GON7: variants seen among roughly 807,000 people sequenced by gnomAD.
GON7 encodes the protein GON7 subunit of KEOPS complex.
A neutral mutation model predicts 7.6 loss-of-function variants in GON7; 2 were observed. The ratio of observed to expected loss-of-function variants is 0.26; its 90% CI spans 0.11 to 0.83. The LOEUF (loss-of-function observed/expected upper bound fraction) is 0.83. GON7 is among the 40% of genes least tolerant of loss of function. The pLI is 0.65. For synonymous variants in GON7, 54 were observed against 56.6 expected (o/e 0.95, Z 0.20); for missense variants, 121 against 132.2 (o/e 0.92, Z 0.42).
In GON7 at chr14:93,203,708, G is replaced by GT; in HGVS notation, c.282dup (p.Arg95ThrfsTer83). On this transcript the variant is annotated frameshift_variant, in exon 2 of 2. Transcript: ENST00000306954. LOFTEE classifies it high-confidence loss of function. Reference sequence around the variant, plus strand: ...TATTGTTAAGACGGTGTTTTTGGCCGTTTTGCAGATGGTCCATCGAAGTTA... The same window carrying GT: ...TATTGTTAAGACGGTGTTTTTGGCCGTTTTTGCAGATGGTCCATCGAAGTTA... The GT allele has an allele frequency of 6.2e-7, 1 of 1,613,968 alleles. No individual in the cohort carries two copies. The highest frequency in any genetic ancestry group is 8.5e-7 in the Non-Finnish European group (1 of 1,179,920).
At chr14:93,206,395 C>A (rs1011321188) in intron 1 of GON7, among the ~76,000 whole-genome samples, 5 of 152,118 alleles carry the variant, frequency 3.3e-5, no homozygotes, top group African/African-American at 9.7e-5. Context: ...CCTCATTCTT[C>A]CTCCAGGGCT....
intron 1 of GON7, among the ~76,000 whole-genome samples, chr14:93,205,730 T>G (rs1894327853): frequency 6.6e-6 from 1 of 152,100 alleles, no homozygotes; most frequent in South Asian, 2.1e-4. Flanking sequence ...ATAATGCAGT[T>G]AAACTTCATG....
rs1894287678 is a variant in GON7 at position 93,203,480 on chromosome 14, T to G, written c.*208A>C. The G allele has an allele frequency of 4.1e-6, 2 of 491,224 alleles. No individual in the cohort carries two copies. Among genetic ancestry groups the G allele is most frequent in the South Asian group, 8.4e-5 (2 of 23,764 alleles). 30.4% of individuals were successfully genotyped at this position (491,224 alleles called of 1,614,324 possible). On this transcript the variant is annotated 3_prime_UTR_variant, in exon 2 of 2. Coordinates refer to ENST00000306954, the MANE Select transcript of GON7 (RefSeq NM_032490.5). ...AGTGTTCTATTTTCCTTCCAGGGTC[T>G]GAAATTTATTTCTCAAGAAAACAGA...
intron 1 of GON7, among the ~76,000 whole-genome samples, chr14:93,205,430 G>C (rs1294936622): frequency 6.6e-6 from 1 of 152,186 alleles, no homozygotes; most frequent in Non-Finnish European, 1.5e-5. Flanking sequence ...AGCACTCTGG[G>C]AGGCTGAGGC....
At position 93,202,988 on chromosome 14, in the gene GON7, A is replaced by C. The variant is rs939226083; in HGVS notation, c.*700T>G. On this transcript the variant is annotated 3_prime_UTR_variant, in exon 2 of 2. Coordinates refer to ENST00000306954, the MANE Select transcript of GON7 (RefSeq NM_032490.5). Reference sequence around the variant, plus strand: ...GGAGGAGAGGAAATATCCAAATTGTAATCAATGCAGATTGTTTACTTAAGG... The same window carrying C: ...GGAGGAGAGGAAATATCCAAATTGTCATCAATGCAGATTGTTTACTTAAGG... 1.3e-5 allele frequency: 2 copies of C among 152,226 alleles called. No individual in the cohort carries two copies. The highest frequency in any genetic ancestry group is 4.8e-5 in the African/African-American group (2 of 41,462). 9.4% of individuals were successfully genotyped at this position (152,226 alleles called of 1,614,324 possible).
intron 1 of GON7, among the ~76,000 whole-genome samples, chr14:93,206,516 T>C (rs1441999581): frequency 3.3e-5 from 5 of 151,996 alleles, no homozygotes; most frequent in Non-Finnish European, 7.4e-5. Flanking sequence ...CAAATAAATA[T>C]AGTGATAAAT....
At position 93,207,018 on chromosome 14, in the gene GON7, T is replaced by G. The variant is rs1894362903; in HGVS notation, c.20A>C (p.Tyr7Ser). 1 of 1,613,422 alleles carries G rather than the reference T, an allele frequency of 6.2e-7. No homozygotes were observed. Among genetic ancestry groups the G allele is most frequent in the Non-Finnish European group, 8.5e-7 (1 of 1,179,980 alleles). Residue 7 changes from tyrosine to serine, a missense_variant, in exon 1 of 2, where the codon TAC (tyrosine) becomes TCC (serine). Transcript: ENST00000306954. ...CTGCGGCTTCCCTTCCTGCCCGACG[T>G]ACTCTCCCAGCAGCTCCATGGTGAC... Reference protein sequence around the residue: MELLGEYVGQEGKPQKL... With the variant: MELLGESVGQEGKPQKL...
Position 93,207,041 on chromosome 14 carries a change from G to A in GON7, c.-4C>T, listed in dbSNP as rs1421105661. On this transcript the variant is annotated 5_prime_UTR_variant, in exon 1 of 2. Transcript: ENST00000306954. Reference sequence around the variant, plus strand: ...CGTACTCTCCCAGCAGCTCCATGGTGACCGCTAAGCTTCCAGAACACGACA... The same window carrying A: ...CGTACTCTCCCAGCAGCTCCATGGTAACCGCTAAGCTTCCAGAACACGACA... The A allele has an allele frequency of 6.2e-7, 1 of 1,612,656 alleles. No individual in the cohort carries two copies. The highest frequency in any genetic ancestry group is 8.5e-7 in the Non-Finnish European group (1 of 1,179,786).
At chr14:93,205,206 C>T (rs1422584001) in intron 1 of GON7, among the ~76,000 whole-genome samples, 6 of 152,222 alleles carry the variant, frequency 3.9e-5, no homozygotes. Flanking sequence ...CCAATTTCTT[C>T]ACATTCCAGC....
Position 93,203,498 on chromosome 14 carries a change from A to G in GON7, c.*190T>C. ...CAGGGTCTGAAATTTATTTCTCAAG[A>G]AAACAGATTTTATTTCTAAGCCTTT... is the stretch of plus-strand genomic sequence containing the variant. On this transcript the variant is annotated 3_prime_UTR_variant, in exon 2 of 2. Coordinates refer to ENST00000306954, the MANE Select transcript of GON7 (RefSeq NM_032490.5). The G allele has an allele frequency of 2.0e-6, 1 of 494,216 alleles. No individual in the cohort carries two copies. Among genetic ancestry groups the G allele is most frequent in the Non-Finnish European group, 3.6e-6 (1 of 279,880 alleles). 30.6% of individuals were successfully genotyped at this position (494,216 alleles called of 1,614,324 possible).
In GON7 at chr14:93,203,581, GAAC is replaced by G. The variant is rs1262234097; in HGVS notation, c.*104_*106del. The G allele has an allele frequency of 1.1e-6, 1 of 906,798 alleles. No homozygotes were observed. Among genetic ancestry groups the G allele is most frequent in the Non-Finnish European group, 1.7e-6 (1 of 587,592 alleles). 56.2% of individuals were successfully genotyped at this position (906,798 alleles called of 1,614,324 possible). A position where few individuals can be genotyped will look rare whatever the true frequency, so the allele number is the denominator to read the frequency against. ...TCTCTTTGACAAAATTGTCCCAGGA[GAAC>G]AACACAAATGCTTTTTCCAAATTAG... On this transcript the variant is annotated 3_prime_UTR_variant, in exon 2 of 2. Transcript: ENST00000306954.
Position 93,205,090 on chromosome 14 carries a change from C to A in GON7, c.209-1308G>T, listed in dbSNP as rs139923335. Among the ~76,000 whole-genome samples the A allele has an allele frequency of 2.0e-5, 3 of 152,334 alleles. No homozygotes were observed. In the East Asian group the frequency reaches 5.8e-4, roughly 29 times the overall value. ...TTTCTTGGGAGGACTACCAGTGGAA[C>A]TGCTGGGTCATATGGTAACTTCATG... is the stretch of plus-strand genomic sequence containing the variant. On this transcript the variant is annotated intron_variant, in intron 1 of 1. Transcript: ENST00000306954.
At chr14:93,204,941 C>A (rs907004568) in intron 1 of GON7, among the ~76,000 whole-genome samples, 1 of 152,116 alleles carries the variant, frequency 6.6e-6, no homozygotes, top group African/African-American at 2.4e-5. Flanking sequence ...TTCACATGAT[C>A]CTCCCACCTC....
Position 93,206,695 on chromosome 14 carries a change from A to C in GON7, c.208+135T>G, listed in dbSNP as rs1420000457. On this transcript the variant is annotated intron_variant, in intron 1 of 1. Coordinates refer to ENST00000306954, the MANE Select transcript of GON7 (RefSeq NM_032490.5). ...GCCCCACTTCGCCTAGCCCGCCAAA[A>C]ATTTTTAGATGCAATTCTTCTTTCC... The C allele has an allele frequency of 2.9e-6, 3 of 1,026,074 alleles. No individual in the cohort carries two copies. In the Admixed American group the frequency reaches 9.2e-5, roughly 31 times the overall value. 63.6% of individuals were successfully genotyped at this position (1,026,074 alleles called of 1,614,324 possible). A position where few individuals can be genotyped will look rare whatever the true frequency, so the allele number is the denominator to read the frequency against.
chr14:93,206,130 C>T (rs1006202303), intron 1 of GON7, among the ~76,000 whole-genome samples: 1 of 152,106 alleles, frequency 6.6e-6, no homozygotes, highest in Non-Finnish European at 1.5e-5. Context: ...CTCAGCCTCC[C>T]GAGTAGAGTA....
rs1894356967 is a variant in GON7, at chr14:93,206,877, C to T, written c.161G>A (p.Gly54Glu). 1.2e-6 allele frequency: 2 copies of T among 1,614,066 alleles called. No individual in the cohort carries two copies. Among genetic ancestry groups the T allele is most frequent in the East Asian group, 2.2e-5 (1 of 44,892 alleles). ...CGCCGCCACCCGGTGCTGCACTTCC[C>T]CCTGTACCAGAGGGTCGAATAATTC... ...VTELFDPLVQGEVQHRVAAAP... is the reference protein window; with the variant it reads ...VTELFDPLVQEEVQHRVAAAP... The change falls in exon 1 of 2, where the codon GGG (glycine) becomes GAG (glutamate). Residue 54 changes from glycine to glutamate, a missense_variant. Physicochemically the swap from Gly to Glu is moderately conservative, Grantham distance 98 (BLOSUM62 -2). Coordinates refer to ENST00000306954, the MANE Select transcript of GON7 (RefSeq NM_032490.5).
intron 1 of GON7, among the ~76,000 whole-genome samples, chr14:93,204,796 T>C (rs1192764038): frequency 6.6e-6 from 1 of 152,214 alleles, no homozygotes; most frequent in Non-Finnish European, 1.5e-5. Context: ...AATGCACTCA[T>C]CGGTTGATGG....
rs1459972933 is a variant in GON7 at position 93,207,022 on chromosome 14, C to G, written c.16G>C (p.Glu6Gln). 6.2e-7 allele frequency: 1 copy of G among 1,613,188 alleles called. No individual in the cohort carries two copies. The highest frequency in any genetic ancestry group is 1.3e-5 in the African/African-American group (1 of 74,932). Residue 6 changes from glutamate (E) to glutamine (Q), a missense_variant, in exon 1 of 2, where the codon GAG becomes CAG. Glu to Gln is a conservative substitution (Grantham distance 29, BLOSUM62 2). Transcript: ENST00000306954. MELLG[E>Q]YVGQEGKPQK... ...GGCTTCCCTTCCTGCCCGACGTACT[C>G]TCCCAGCAGCTCCATGGTGACCGCT...
At chr14:93,205,466 G>A (rs375614978) in intron 1 of GON7, among the ~76,000 whole-genome samples, 301 of 152,132 alleles carry the variant, frequency 2.0e-3, no homozygotes, top group Non-Finnish European at 3.0e-3. Flanking sequence ...TCAGGAGTTC[G>A]GGACCAGCCT....
Sources: gnomAD v4.1 joint callset for allele counts (sites outside exome capture counted in the v4.1 genomes callset) on GRCh38, gnomAD v4.1.1 for gene constraint, MANE v1.5 for transcripts, NCBI Gene and HGNC (gene_info 2026-07-23, HGNC 2026-07-21) for gene names.